Variants in KDM4C observed in about 807,000 individuals in gnomAD.
KDM4C encodes lysine demethylase 4C, also known as lysine-specific demethylase 4C.
Under a neutral mutation model 129.3 loss-of-function variants are expected in KDM4C, and 81 were observed. The observed-to-expected ratio is 0.63, with a 90% CI of 0.52 to 0.75. The LOEUF is 0.75. Ranked by LOEUF, KDM4C falls within the 30% of genes least tolerant of loss-of-function variation. The pLI is 0.00. For missense variants in KDM4C, 1,457 were observed against 1,304.0 expected, an observed-to-expected ratio of 1.12 and a Z score of -1.81; for synonymous variants, 573 against 456.1, an observed-to-expected ratio of 1.26 and a Z score of -3.26.
At chr9:6,823,104 C>T (rs573025840) in intron 4 of KDM4C, among the ~76,000 whole-genome samples, 1 of 152,222 alleles carries the variant, frequency 6.6e-6, no homozygotes, top group Non-Finnish European at 1.5e-5. Context: ...CTATTACCTT[C>T]ATAATCTATA....
At chr9:6,895,015 T>G (rs549481068) in intron 8 of KDM4C, among the ~76,000 whole-genome samples, 2 of 152,352 alleles carry the variant, frequency 1.3e-5, no homozygotes, top group African/African-American at 4.8e-5. Flanking sequence ...TACAAAATAT[T>G]CAGTGCTACA....
intron 19 of KDM4C, among the ~76,000 whole-genome samples, chr9:7,143,286 T>C (rs1166577576): frequency 6.6e-6 from 1 of 152,232 alleles, no homozygotes; most frequent in East Asian, 1.9e-4. Context: ...GTTACTTTTT[T>C]AGTAGATTGA....
At chr9:7,094,205 C>A (rs979638218) in intron 17 of KDM4C, among the ~76,000 whole-genome samples, 1 of 152,178 alleles carries the variant, frequency 6.6e-6, no homozygotes, top group African/African-American at 2.4e-5. Flanking sequence ...CTGAATAATC[C>A]GGAAGCAGTA....
chr9:6,995,703 G>C (rs1043540291), intron 12 of KDM4C, among the ~76,000 whole-genome samples: 1 of 151,648 alleles, frequency 6.6e-6, no homozygotes, highest in Non-Finnish European at 1.5e-5. Context: ...ATGGCGTCTC[G>C]CACTGTCGCC....
At chr9:6,769,961 A>T (rs1306174904) in intron 1 of KDM4C, among the ~76,000 whole-genome samples, 3 of 152,084 alleles carry the variant, frequency 2.0e-5, no homozygotes, top group Admixed American at 6.6e-5. Flanking sequence ...CGGGTGGATC[A>T]CCTGAGGTCA....
At position 6,799,482 on chromosome 9, in the gene KDM4C, G is replaced by A. The variant is rs1468515926; in HGVS notation, c.145-6117G>A. 2.0e-5 allele frequency among the ~76,000 whole-genome samples: 3 copies of A among 152,288 alleles called. No individual in the cohort carries two copies. In the East Asian group the frequency reaches 5.8e-4, roughly 29 times the overall value. ...CTGCAGGCTGAGGCAGGAGAATCAG[G>A]CAGGGAGGTTGCAGTGAGCCAAGAT... On this transcript the variant is annotated intron_variant, in intron 2 of 21. Coordinates refer to ENST00000381309, the MANE Select transcript of KDM4C (RefSeq NM_015061.6).
intron 17 of KDM4C, among the ~76,000 whole-genome samples, chr9:7,052,894 A>AGAGAGAGAGAGAGAGAGAGCGC (rs1339242817): frequency 7.6e-5 from 8 of 105,498 alleles, no homozygotes; most frequent in Non-Finnish European, 1.2e-4. Context: ...AGAGAGAGAG[A>AGAGAGAGAGAGAGAGAGAGCGC]GAGAGAGCGA....
chr9:6,813,177 A>G (rs1252192757), intron 3 of KDM4C, among the ~76,000 whole-genome samples: 2 of 152,134 alleles, frequency 1.3e-5, no homozygotes, highest in African/African-American at 4.8e-5. Context: ...CCGTCTCAAA[A>G]CAAAACAGAA....
rs1554752013 is a variant in KDM4C at position 7,122,286 on chromosome 9, T to TCTCTCTCTCTC, written c.2611-5780_2611-5779insCTCTCTCTCTC. On this transcript the variant is annotated intron_variant, in intron 18 of 21. Transcript: ENST00000381309. Reference sequence around the variant, plus strand: ...ACACACTCTCTCTCTCTCTCTCTCTTAAACAGCCAGATCCTGTGAGAACTC... The same window carrying TCTCTCTCTCTC: ...ACACACTCTCTCTCTCTCTCTCTCTTCTCTCTCTCTCAAACAGCCAGATCCTGTGAGAACTC... Among the ~76,000 whole-genome samples the TCTCTCTCTCTC allele has an allele frequency of 3.9e-3, 341 of 87,748 alleles. 2 individuals carry two copies. The highest frequency in any genetic ancestry group is 0.013 in the African/African-American group (327 of 24,634). The allele number at this position is 87,748 out of a possible 152,430, so 57.6% of individuals were successfully genotyped here. A position where few individuals can be genotyped will look rare whatever the true frequency, so the allele number is the denominator to read the frequency against.
chr9:6,881,754 T>C (rs1353149493), intron 6 of KDM4C, among the ~76,000 whole-genome samples: 1 of 152,226 alleles, frequency 6.6e-6, no homozygotes, highest in African/African-American at 2.4e-5. Flanking sequence ...AAAACTCTTT[T>C]GCAGCAATAT....
chr9:6,753,765 G>A (rs1355255772), upstream of KDM4C, among the ~76,000 whole-genome samples: 6 of 151,810 alleles, frequency 4.0e-5, no homozygotes, highest in Admixed American at 1.3e-4. Flanking sequence ...TAAGGGCAGA[G>A]CCCTCATGGA....
At chr9:7,077,031 CA>C in intron 17 of KDM4C, 1 of 985,490 alleles carries the variant, frequency 1.0e-6, no homozygotes, top group Non-Finnish European at 1.2e-6. Context: ...TCTTGCTGCA[CA>C]ACAAAGCAAC....
intron 8 of KDM4C, 68 bp downstream of exon 8, chr9:6,893,300 C>A: frequency 1.6e-6 from 2 of 1,278,106 alleles, no homozygotes; most frequent in Non-Finnish European, 2.2e-6. Flanking sequence ...AGGAACCCTA[C>A]GATCCTGTGC....
intron 8 of KDM4C, among the ~76,000 whole-genome samples, chr9:6,947,369 T>C (rs964086838): frequency 6.6e-6 from 1 of 152,164 alleles, no homozygotes; most frequent in African/African-American, 2.4e-5. Flanking sequence ...TTCTTTCCTT[T>C]TTGTCCTTTA....
chr9:6,852,652 C>T (rs894621643), intron 5 of KDM4C, among the ~76,000 whole-genome samples: 2 of 152,160 alleles, frequency 1.3e-5, no homozygotes, highest in African/African-American at 4.8e-5. Context: ...GTGGCCTCTC[C>T]TGTGCTTGAC....
intron 20 of KDM4C, among the ~76,000 whole-genome samples, chr9:7,165,558 T>G (rs1358835001): frequency 2.6e-5 from 4 of 152,254 alleles, no homozygotes; most frequent in East Asian, 3.8e-4. Flanking sequence ...TGGGAAACTC[T>G]TAACAGCATT....
At position 6,790,654 on chromosome 9, in the gene KDM4C, CAAAAAAAAAAAA is replaced by C. The variant is rs1186296239; in HGVS notation, c.-17-2301_-17-2290del. On this transcript the variant is annotated intron_variant, in intron 1 of 21. Coordinates refer to ENST00000381309, the MANE Select transcript of KDM4C (RefSeq NM_015061.6). ...TTTCTGTCAGGCAGATTAAATTCAG[CAAAAAAAAAAAA>C]AAAAAAAAAAAAAAAAGAGGAAAAC... is the stretch of plus-strand genomic sequence containing the variant. Among the ~76,000 whole-genome samples the C allele has an allele frequency of 7.9e-3, 515 of 65,262 alleles. 4 individuals carry two copies. The highest frequency in any genetic ancestry group is 0.03 in the African/African-American group (494 of 16,676). The allele number at this position is 65,262 out of a possible 152,430, so 42.8% of individuals were successfully genotyped here. A position where few individuals can be genotyped will look rare whatever the true frequency, so the allele number is the denominator to read the frequency against.
intron 2 of KDM4C, among the ~76,000 whole-genome samples, chr9:6,795,847 T>A (rs1028799207): frequency 1.3e-5 from 2 of 151,812 alleles, no homozygotes; most frequent in Admixed American, 1.3e-4. Flanking sequence ...AAGTTTTGTA[T>A]TTTTTGTAGA....
intron 19 of KDM4C, among the ~76,000 whole-genome samples, chr9:7,149,314 G>C (rs1228556932): frequency 6.6e-6 from 1 of 152,242 alleles, no homozygotes; most frequent in Non-Finnish European, 1.5e-5. Context: ...TTCCACTGCA[G>C]AGTGCATACC....
Sources: gnomAD v4.1 joint callset for allele counts (sites outside exome capture counted in the v4.1 genomes callset) on GRCh38, gnomAD v4.1.1 for gene constraint, MANE v1.5 for transcripts, NCBI Gene and HGNC (gene_info 2026-07-23, HGNC 2026-07-21) for gene names.